L3MBTL3: variants seen among roughly 807,000 people sequenced by gnomAD.
L3MBTL3 encodes the protein lethal(3)malignant brain tumor-like protein 3.
In L3MBTL3, 27 loss-of-function variants were observed where a neutral mutation model predicts 102.3. The ratio of observed to expected loss-of-function variants is 0.26; its 90% CI spans 0.19 to 0.36. The LOEUF (loss-of-function observed/expected upper bound fraction) is 0.36, where lower values mean the gene tolerates loss of function less well. Among genes scored for constraint, L3MBTL3 ranks in the 10% least tolerant of loss-of-function variants. The pLI is 1.00. For missense variants in L3MBTL3, 798 were observed against 955.3 expected (o/e 0.84, Z 2.17); for synonymous variants, 340 against 320.9 (o/e 1.06, Z -0.64).
At position 130,133,622 on chromosome 6, in the gene L3MBTL3, G is replaced by T; in HGVS notation, c.2136+1G>T. On this transcript the variant is annotated splice_donor_variant, in intron 21 of 22. Coordinates refer to ENST00000361794, the MANE Select transcript of L3MBTL3 (RefSeq NM_032438.4). LOFTEE classifies it high-confidence loss of function. This position sits in a 1 kb window ranked among gnomAD's most constrained non-coding sequence, Gnocchi z 4.9. ...AGTTTCCAAATGGAGCACAGACGAGGTATATTTTATTTTCTTTGCTGCCCG... is the reference window on the plus strand; with the variant it reads ...AGTTTCCAAATGGAGCACAGACGAGTTATATTTTATTTTCTTTGCTGCCCG... The T allele has an allele frequency of 6.2e-7, 1 of 1,613,044 alleles. No homozygotes were observed.
At chr6:130,045,798 T>C (rs1276739922) in intron 3 of L3MBTL3, among the ~76,000 whole-genome samples, 1 of 152,134 alleles carries the variant, frequency 6.6e-6, no homozygotes, top group Non-Finnish European at 1.5e-5. Context: ...CCATGAATAC[T>C]TTAGGGAGGA....
At chr6:130,084,043 A>G (rs1310849590) in intron 15 of L3MBTL3, among the ~76,000 whole-genome samples, 1 of 152,130 alleles carries the variant, frequency 6.6e-6, no homozygotes, top group Non-Finnish European at 1.5e-5. Context: ...GAATATGAAA[A>G]TATTTTTCAA....
intron 20 of L3MBTL3, among the ~76,000 whole-genome samples, chr6:130,129,549 T>C (rs1263094843): frequency 6.6e-6 from 1 of 152,192 alleles, no homozygotes; most frequent in Non-Finnish European, 1.5e-5. Flanking sequence ...TAAAATATTT[T>C]TTACTCACTG....
intron 14 of L3MBTL3, among the ~76,000 whole-genome samples, chr6:130,079,895 G>C (rs997771383): frequency 2.6e-5 from 4 of 152,266 alleles, no homozygotes; most frequent in Non-Finnish European, 5.9e-5. Flanking sequence ...GAAAGTCTCT[G>C]TCTTGACTTA....
At chr6:130,055,871 T>C (rs1026882167) in intron 8 of L3MBTL3, among the ~76,000 whole-genome samples, 8 of 151,350 alleles carry the variant, frequency 5.3e-5, no homozygotes. Flanking sequence ...TTTCATCTCT[T>C]CTGTCTTCTC....
chr6:130,058,656 T>C (rs1781687156), intron 9 of L3MBTL3, among the ~76,000 whole-genome samples: 1 of 152,122 alleles, frequency 6.6e-6, no homozygotes, highest in Non-Finnish European at 1.5e-5. Context: ...ATAGTAAATA[T>C]GTTAGGCATT....
At chr6:130,121,364 A>G (rs9321210) in intron 20 of L3MBTL3, among the ~76,000 whole-genome samples, 36,950 of 152,150 alleles carry the variant, frequency 0.24, 5,509 homozygotes, top group Non-Finnish European at 0.34. Context: ...GCTGAGAGTA[A>G]TAGCCTCCAG....
chr6:130,126,354 C>A (rs2092177767), intron 20 of L3MBTL3, among the ~76,000 whole-genome samples: 1 of 152,148 alleles, frequency 6.6e-6, no homozygotes, highest in African/African-American at 2.4e-5. Flanking sequence ...TTTTGTCTGG[C>A]ACTTGCCCTC....
At chr6:130,126,164 C>G (rs563568129) in intron 20 of L3MBTL3, among the ~76,000 whole-genome samples, 1 of 141,984 alleles carries the variant, frequency 7.0e-6, no homozygotes, top group South Asian at 2.5e-4. Context: ...GTAGCTCATT[C>G]CTACCATTAT....
intron 1 of L3MBTL3, among the ~76,000 whole-genome samples, chr6:130,021,376 T>C (rs1345473084): frequency 6.6e-6 from 1 of 152,184 alleles, no homozygotes; most frequent in East Asian, 1.9e-4. Flanking sequence ...AAATTGAAAG[T>C]TTAGTAAATC....
At chr6:130,083,446 C>G (rs965467451) in intron 14 of L3MBTL3, among the ~76,000 whole-genome samples, 174 bp from the exon 15 acceptor site, 1 of 151,606 alleles carries the variant, frequency 6.6e-6, no homozygotes, top group Admixed American at 6.6e-5. Flanking sequence ...AAATAATGAT[C>G]AAGATGAAAA....
At chr6:130,124,014 G>A (rs1786424628) in intron 20 of L3MBTL3, among the ~76,000 whole-genome samples, 1 of 152,156 alleles carries the variant, frequency 6.6e-6, no homozygotes, top group African/African-American at 2.4e-5. Context: ...AGCAACAACA[G>A]TGAGAGAGCA....
intron 20 of L3MBTL3, among the ~76,000 whole-genome samples, chr6:130,126,945 G>C (rs1250505221): frequency 6.6e-6 from 1 of 152,186 alleles, no homozygotes. Flanking sequence ...GGTGGGATTG[G>C]TATAGGCAGT....
intron 13 of L3MBTL3, among the ~76,000 whole-genome samples, 191 bp downstream of exon 13, chr6:130,071,318 T>G (rs1782627093): frequency 6.6e-6 from 1 of 152,100 alleles, no homozygotes; most frequent in South Asian, 2.1e-4. Context: ...TAATTTTGCT[T>G]TGTGATTGGT....
At chr6:130,047,277 A>C (rs1003132233) in intron 3 of L3MBTL3, among the ~76,000 whole-genome samples, 1 of 152,188 alleles carries the variant, frequency 6.6e-6, no homozygotes, top group African/African-American at 2.4e-5. Flanking sequence ...GTGACATTGC[A>C]TCTTTACTTT....
At chr6:130,125,948 C>G (rs944095576) in intron 20 of L3MBTL3, among the ~76,000 whole-genome samples, 1 of 151,410 alleles carries the variant, frequency 6.6e-6, no homozygotes, top group African/African-American at 2.4e-5. Context: ...TCCCTCCCCC[C>G]CACCCATTTC....
chr6:130,086,331 G>C, intron 16 of L3MBTL3, 81 bp downstream of exon 16: 1 of 864,424 alleles, frequency 1.2e-6, no homozygotes. Flanking sequence ...TACTTAACTT[G>C]TGAAGTCCTG....
chr6:130,091,895 A>G (rs1784073054), intron 16 of L3MBTL3, among the ~76,000 whole-genome samples: 1 of 151,968 alleles, frequency 6.6e-6, no homozygotes, highest in East Asian at 1.9e-4. Flanking sequence ...GGGGTGATTA[A>G]CAGGCGCAAA....
chr6:130,081,669 C>T (rs1210428769), intron 14 of L3MBTL3, among the ~76,000 whole-genome samples: 1 of 151,960 alleles, frequency 6.6e-6, no homozygotes, highest in East Asian at 1.9e-4. Flanking sequence ...TCGTGATCCA[C>T]CTGCCTCAGC....
Sources: gnomAD v4.1 joint callset for allele counts (sites outside exome capture counted in the v4.1 genomes callset) on GRCh38, gnomAD v4.1.1 for gene constraint, Gnocchi (gnomAD v3.1) non-coding constraint, MANE v1.5 for transcripts, NCBI Gene and HGNC (gene_info 2026-07-23, HGNC 2026-07-21) for gene names.